Variants in MRC2 observed in about 807,000 individuals in gnomAD.
MRC2 encodes mannose receptor C-type 2.
MRC2 carries 84 observed loss-of-function variants against 206.2 expected under a neutral mutation model. That is an observed-to-expected ratio of 0.41 (90% CI 0.34 to 0.49). The LOEUF is 0.49. Among genes scored for constraint, MRC2 ranks in the 20% least tolerant of loss-of-function variants. The pLI, the probability that MRC2 is intolerant of heterozygous loss-of-function variation, is 0.31. For missense variants in MRC2, 1,676 were observed against 2,001.5 expected, an observed-to-expected ratio of 0.84 and a Z score of 3.10; for synonymous variants, 798 against 800.0, an observed-to-expected ratio of 1.00 and a Z score of 0.04.
chr17:62,661,860 G>T (rs890896383), intron 1 of MRC2: 1 of 152,068 alleles, frequency 6.6e-6, no homozygotes, highest in Non-Finnish European at 1.5e-5. Flanking sequence ...TGGGAAAAAA[G>T]TTCTTATGCT....
intron 28 of MRC2, among the ~76,000 whole-genome samples, chr17:62,691,743 C>T (rs2089113900): frequency 6.7e-6 from 1 of 149,120 alleles, no homozygotes; most frequent in African/African-American, 2.5e-5. Context: ...TGCATTCCAG[C>T]CTGGGCAACA....
At position 62,667,551 on chromosome 17, in the gene MRC2, C is replaced by G; in HGVS notation, c.1117+18C>G. 1 of 1,599,458 alleles carries G rather than the reference C, an allele frequency of 6.3e-7. No homozygotes were observed. The highest frequency in any genetic ancestry group is 8.5e-7 in the Non-Finnish European group (1 of 1,176,354). On this transcript the variant is annotated intron_variant, in intron 6 of 29. Coordinates refer to ENST00000303375, the MANE Select transcript of MRC2 (RefSeq NM_006039.5). This position sits in a 1 kb window ranked among gnomAD's most constrained non-coding sequence, Gnocchi z 4.1. ...CCCTCCAGGTGAGCCAGGGACTGTG[C>G]CGCAGGGTGGGGAGGGGCTCCCAGG... is the stretch of plus-strand genomic sequence containing the variant.
chr17:62,676,645 G>T (rs2088896507), intron 11 of MRC2, 114 bp downstream of exon 11: 10 of 1,310,780 alleles, frequency 7.6e-6, no homozygotes, highest in Non-Finnish European at 1.0e-5. Context: ...GGTGCACTGT[G>T]GTGTAGTGTC....
chr17:62,672,773 C>T lies in MRC2; in HGVS notation c.1461+621C>T, dbSNP rs988008900. ...TTGGGAGGCTGAGGCAGGCGGATCA[C>T]TTGAGGTGAGGAGTTCGAGACCAGC... On this transcript the variant is annotated intron_variant, in intron 8 of 29. Transcript: ENST00000303375. The surrounding 1 kb of genome is among the most constrained non-coding windows in gnomAD (Gnocchi z 4.5). 6.6e-6 allele frequency among the ~76,000 whole-genome samples: 1 copy of T among 152,166 alleles called. No homozygotes were observed. The highest frequency in any genetic ancestry group is 2.4e-5 in the African/African-American group (1 of 41,446).
At chr17:62,631,278 C>T (rs948735132) in intron 1 of MRC2, among the ~76,000 whole-genome samples, 21 of 152,144 alleles carry the variant, frequency 1.4e-4, no homozygotes, top group Non-Finnish European at 5.9e-5. Context: ...ATGTGGTGGG[C>T]GCCGTGCTGG....
At chr17:62,629,577 G>A (rs921841664) in intron 1 of MRC2, among the ~76,000 whole-genome samples, 8 of 152,222 alleles carry the variant, frequency 5.3e-5, no homozygotes, top group Non-Finnish European at 1.2e-4. Flanking sequence ...TCCAGCAGCA[G>A]CTGAGCAGGA....
chr17:62,659,907 A>G (rs929120313), intron 1 of MRC2, among the ~76,000 whole-genome samples: 31 of 152,240 alleles, frequency 2.0e-4, no homozygotes. Context: ...TCGTTCATTC[A>G]TGCATGTGTT....
At chr17:62,684,437 T>G (rs573897732) in intron 20 of MRC2, among the ~76,000 whole-genome samples, 1 of 152,174 alleles carries the variant, frequency 6.6e-6, no homozygotes, top group Non-Finnish European at 1.5e-5. Context: ...GTGTTTTGAG[T>G]GTGCAGGTAG....
intron 19 of MRC2, 146 bp downstream of exon 19, chr17:62,682,083 C>T (rs1410262806): frequency 1.8e-6 from 2 of 1,087,296 alleles, no homozygotes; most frequent in Non-Finnish European, 1.3e-6. Context: ...GTGGACCTGT[C>T]TCCATGGTCC....
intron 1 of MRC2, among the ~76,000 whole-genome samples, chr17:62,645,950 T>C (rs957140797): frequency 1.3e-5 from 2 of 152,152 alleles, no homozygotes; most frequent in Admixed American, 6.5e-5. Flanking sequence ...ACTGGCTACA[T>C]AGGGTTCTGT....
chr17:62,653,454 T>C (rs926833451), intron 1 of MRC2, among the ~76,000 whole-genome samples: 1 of 152,030 alleles, frequency 6.6e-6, no homozygotes, highest in Non-Finnish European at 1.5e-5. Context: ...ACCGCCTGCA[T>C]TTAGTAGGTG....
At chr17:62,682,144 T>G in intron 19 of MRC2, 91 bp from the exon 20 acceptor site, 1 of 1,347,244 alleles carries the variant, frequency 7.4e-7, no homozygotes, top group Non-Finnish European at 1.0e-6. Flanking sequence ...CTGCCCAGAC[T>G]CCTCTCAGGG....
intron 6 of MRC2, among the ~76,000 whole-genome samples, chr17:62,670,939 A>G (rs28711355): frequency 0.018 from 2,746 of 152,294 alleles, 81 homozygotes; most frequent in African/African-American, 0.061. Flanking sequence ...TGAGAGAATA[A>G]CAGTGATTCC....
At position 62,666,085 on chromosome 17, in the gene MRC2, C is replaced by A; in HGVS notation, c.521-9C>A. ...TGCCAAGGGCCTGGCCCCTGTCCAC[C>A]CCCTGCAGAGGTCTACACCATCCAG... On this transcript the variant is annotated splice_polypyrimidine_tract_variant and intron_variant, in intron 2 of 29. Coordinates refer to ENST00000303375, the MANE Select transcript of MRC2 (RefSeq NM_006039.5). The surrounding 1 kb of genome is among the most constrained non-coding windows in gnomAD (Gnocchi z 5.0). 2 of 1,579,612 alleles carry A rather than the reference C, an allele frequency of 1.3e-6. No homozygotes were observed. The highest frequency in any genetic ancestry group is 2.3e-5 in the East Asian group (1 of 43,142).
intron 18 of MRC2, 66 bp downstream of exon 18, chr17:62,681,195 A>C: frequency 6.4e-7 from 1 of 1,563,784 alleles, no homozygotes; most frequent in East Asian, 2.3e-5. Context: ...GCACAGAGGC[A>C]GACTTGCATT....
chr17:62,639,273 G>T (rs2088368322), intron 1 of MRC2, among the ~76,000 whole-genome samples: 1 of 152,150 alleles, frequency 6.6e-6, no homozygotes, highest in South Asian at 2.1e-4. Context: ...GAACCCAGGA[G>T]GCAGAGGTTG....
At position 62,692,512 on chromosome 17, in the gene MRC2, T is replaced by A; in HGVS notation, c.*61T>A. 6.8e-7 allele frequency: 1 copy of A among 1,474,138 alleles called. No homozygotes were observed. The highest frequency in any genetic ancestry group is 9.2e-7 in the Non-Finnish European group (1 of 1,090,072). The allele number at this position is 1,474,138 out of a possible 1,614,324, so 91.3% of individuals were successfully genotyped here. ...CTGGGGAGCTGGGGCCCTGGGTCAG[T>A]CTGGCCCCCCACCAGCTGCCTGTCC... On this transcript the variant is annotated 3_prime_UTR_variant, in exon 30 of 30. Transcript: ENST00000303375. This position sits in a 1 kb window ranked among gnomAD's most constrained non-coding sequence, Gnocchi z 4.2.
intron 12 of MRC2, 44 bp from the exon 13 acceptor site, chr17:62,678,460 G>A: frequency 1.9e-6 from 3 of 1,592,356 alleles, no homozygotes; most frequent in Non-Finnish European, 2.6e-6. Flanking sequence ...CCTGAGGGGT[G>A]GGCCAGTGGG....
chr17:62,657,777 C>T (rs1427395257), intron 1 of MRC2, among the ~76,000 whole-genome samples: 1 of 152,174 alleles, frequency 6.6e-6, no homozygotes, highest in Non-Finnish European at 1.5e-5. Context: ...CTCAGGACGC[C>T]TTTTCTCTTT....
Sources: gnomAD v4.1 joint callset for allele counts (sites outside exome capture counted in the v4.1 genomes callset) on GRCh38, gnomAD v4.1.1 for gene constraint, Gnocchi (gnomAD v3.1) non-coding constraint, MANE v1.5 for transcripts, NCBI Gene and HGNC (gene_info 2026-07-23, HGNC 2026-07-21) for gene names.